CDH7: variants seen among roughly 807,000 people sequenced by gnomAD.
CDH7 encodes cadherin-7.
A neutral mutation model predicts 71.8 loss-of-function variants in CDH7; 25 were observed. The ratio of observed to expected loss-of-function variants is 0.35; its 90% CI spans 0.25 to 0.49. The LOEUF (loss-of-function observed/expected upper bound fraction) is 0.49. CDH7 is among the 20% of genes least tolerant of loss of function. The probability of loss-of-function intolerance (pLI) is 0.99; values close to 1 mark genes in which losing one functional copy is unlikely to be tolerated. For synonymous variants in CDH7, 381 were observed against 363.8 expected, an observed-to-expected ratio of 1.05 and a Z score of -0.54; for missense variants, 862 against 974.6, an observed-to-expected ratio of 0.88 and a Z score of 1.54.
intron 2 of CDH7, among the ~76,000 whole-genome samples, chr18:65,799,744 A>G (rs936929259): frequency 6.6e-6 from 1 of 151,876 alleles, no homozygotes; most frequent in Non-Finnish European, 1.5e-5. Flanking sequence ...ACTTACCCCC[A>G]GAAGCTGTGT....
intron 11 of CDH7, among the ~76,000 whole-genome samples, chr18:65,876,413 A>G (rs929936030): frequency 3.3e-5 from 5 of 152,282 alleles, no homozygotes; most frequent in Non-Finnish European, 7.3e-5. Flanking sequence ...CAATCTGATT[A>G]TATCATGCAG....
intron 6 of CDH7, among the ~76,000 whole-genome samples, chr18:65,830,522 C>T (rs1296306344): frequency 1.3e-5 from 2 of 149,478 alleles, no homozygotes; most frequent in Non-Finnish European, 3.0e-5. Flanking sequence ...TCCTTCCTCC[C>T]TTCCTTCCTT....
At chr18:65,761,203 T>G (rs1281183466) in intron 1 of CDH7, among the ~76,000 whole-genome samples, 2 of 152,146 alleles carry the variant, frequency 1.3e-5, no homozygotes, top group Admixed American at 6.6e-5. Flanking sequence ...TATCAAAACT[T>G]TATAGATATA....
Position 65,785,505 on chromosome 18 carries a change from A to G in CDH7, c.210+22453A>G, listed in dbSNP as rs574324523. ...TAGAGCTTTTATTAGTAGAAGGTAC[A>G]TTAACAATAAATTCTTAGCCTGCAT... On this transcript the variant is annotated intron_variant, in intron 2 of 11. Coordinates refer to ENST00000397968, the MANE Select transcript of CDH7 (RefSeq NM_004361.5). 2.5e-4 allele frequency among the ~76,000 whole-genome samples: 38 copies of G among 152,262 alleles called. No homozygotes were observed. The East Asian group carries it at 5.4e-3, about 22-fold the overall frequency.
chr18:65,786,989 A>G lies in CDH7; in HGVS notation c.211-22715A>G, dbSNP rs1312521790. ...AGGTGCAAATCACTAAGCCCACTCT[A>G]TTTCCTAAGTTTCATGCCCATCAAT... On this transcript the variant is annotated intron_variant, in intron 2 of 11. Coordinates refer to ENST00000397968, the MANE Select transcript of CDH7 (RefSeq NM_004361.5). Among the ~76,000 whole-genome samples, 9 of 151,982 alleles carry G rather than the reference A, an allele frequency of 5.9e-5. No individual in the cohort carries two copies. In the East Asian group the frequency reaches 1.4e-3, roughly 23 times the overall value.
chr18:65,808,688 T>C (rs963387337), intron 2 of CDH7, among the ~76,000 whole-genome samples: 5 of 152,168 alleles, frequency 3.3e-5, no homozygotes, highest in African/African-American at 7.2e-5. Flanking sequence ...TGTTTTTTTT[T>C]CATATGTTAT....
rs539079200 is a variant in CDH7 at position 65,794,510 on chromosome 18, A to G, written c.211-15194A>G. Reference sequence around the variant, plus strand: ...ATGGGTGGAGTGGAGACAAAGAGAAAGGAGGTCATTGAGCTGTGGAGATGG... The same window carrying G: ...ATGGGTGGAGTGGAGACAAAGAGAAGGGAGGTCATTGAGCTGTGGAGATGG... On this transcript the variant is annotated intron_variant, in intron 2 of 11. Transcript: ENST00000397968. Among the ~76,000 whole-genome samples, 13 of 152,190 alleles carry G rather than the reference A, an allele frequency of 8.5e-5. No homozygotes were observed. In the East Asian group the frequency reaches 2.5e-3, roughly 29 times the overall value.
rs1455435001 is a variant in CDH7, at chr18:65,811,149, T to C, written c.505+1151T>C. ...TTATTTAAAATAATAATGGAACTTG[T>C]ATTTTAACACATGGGTATTTTAACC... On this transcript the variant is annotated intron_variant, in intron 3 of 11. Coordinates refer to ENST00000397968, the MANE Select transcript of CDH7 (RefSeq NM_004361.5). 2.7e-5 allele frequency among the ~76,000 whole-genome samples: 4 copies of C among 150,630 alleles called. No homozygotes were observed. The East Asian group carries it at 8.0e-4, about 30-fold the overall frequency.
intron 2 of CDH7, among the ~76,000 whole-genome samples, chr18:65,805,141 T>C (rs1459470038): frequency 6.6e-6 from 1 of 152,154 alleles, no homozygotes. Context: ...AAGGAGTTTA[T>C]AAATTAAAGT....
At chr18:65,836,026 T>C (rs1038153075) in intron 6 of CDH7, among the ~76,000 whole-genome samples, 3 of 152,084 alleles carry the variant, frequency 2.0e-5, no homozygotes, top group African/African-American at 4.8e-5. Context: ...AACCCAAGCT[T>C]GGAGTGATGC....
intron 6 of CDH7, among the ~76,000 whole-genome samples, chr18:65,838,423 T>C (rs1157806504): frequency 6.6e-6 from 1 of 152,196 alleles, no homozygotes; most frequent in Admixed American, 6.5e-5. Flanking sequence ...ATACTCTTAA[T>C]GAAGACAGTC....
chr18:65,759,278 G>A (rs1916118167), intron 1 of CDH7, among the ~76,000 whole-genome samples: 1 of 142,534 alleles, frequency 7.0e-6, no homozygotes, highest in Non-Finnish European at 1.5e-5. Context: ...ACAGAATCTC[G>A]CTGTCACCCA....
At chr18:65,762,568 ATAG>A in intron 1 of CDH7, 76 bp from the exon 2 acceptor site, 1 of 232,160 alleles carries the variant, frequency 4.3e-6, no homozygotes, top group Non-Finnish European at 8.3e-6. Flanking sequence ...AAGAAAATCA[ATAG>A]TAGATTAGTC....
At chr18:65,771,897 T>C (rs1262294786) in intron 2 of CDH7, among the ~76,000 whole-genome samples, 1 of 152,064 alleles carries the variant, frequency 6.6e-6, no homozygotes, top group Non-Finnish European at 1.5e-5. Context: ...CTAGAATCTT[T>C]GTCTTTTTTA....
At chr18:65,864,908 A>T (rs1380821864) in intron 11 of CDH7, among the ~76,000 whole-genome samples, 1 of 151,670 alleles carries the variant, frequency 6.6e-6, no homozygotes, top group East Asian at 1.9e-4. Context: ...AAAAAAAAAA[A>T]AAAAAATCCA....
At chr18:65,854,314 A>ATAAG (rs1431126223) in intron 7 of CDH7, among the ~76,000 whole-genome samples, 1 of 151,098 alleles carries the variant, frequency 6.6e-6, no homozygotes, top group African/African-American at 2.4e-5. Context: ...AAATAAATAA[A>ATAAG]TATATCTACA....
chr18:65,838,603 A>T (rs1912617374), intron 6 of CDH7, among the ~76,000 whole-genome samples: 1 of 152,210 alleles, frequency 6.6e-6, no homozygotes, highest in Non-Finnish European at 1.5e-5. Flanking sequence ...CATTAACAAC[A>T]TTGTTGGCTA....
At chr18:65,782,008 C>T (rs201933422) in intron 2 of CDH7, among the ~76,000 whole-genome samples, 2 of 61,620 alleles carry the variant, frequency 3.2e-5, no homozygotes, top group African/African-American at 1.5e-4. Context: ...CTCTCTTTCT[C>T]TCTTTCTCTC....
intron 10 of CDH7, among the ~76,000 whole-genome samples, chr18:65,860,981 A>T (rs1913543603): frequency 6.6e-6 from 1 of 152,220 alleles, no homozygotes; most frequent in Non-Finnish European, 1.5e-5. Flanking sequence ...GTTAAGAAGG[A>T]TAATTCTCAG....
Sources: allele counts gnomAD v4.1 joint callset (sites outside exome capture counted in the v4.1 genomes callset), GRCh38; gene constraint gnomAD v4.1.1; transcripts MANE v1.5; gene names NCBI Gene and HGNC (gene_info 2026-07-23, HGNC 2026-07-21).